SH3RF3: variants seen among roughly 807,000 people sequenced by gnomAD.
SH3RF3 encodes the protein SH3 domain containing ring finger 3.
A neutral mutation model predicts 66.3 loss-of-function variants in SH3RF3; 29 were observed. The ratio of observed to expected loss-of-function variants is 0.44; its 90% confidence interval spans 0.33 to 0.60. SH3RF3 has a LOEUF of 0.60. SH3RF3 is among the 20% of genes least tolerant of loss of function. SH3RF3 has a pLI of 0.04. For missense variants in SH3RF3, 1,194 were observed against 1,190.9 expected, an observed-to-expected ratio of 1.00 and a Z score of -0.04; for synonymous variants, 583 against 532.0, an observed-to-expected ratio of 1.10 and a Z score of -1.32.
chr2:109,192,339 T>G (rs1678387394), intron 1 of SH3RF3, among the ~76,000 whole-genome samples: 1 of 152,222 alleles, frequency 6.6e-6, no homozygotes, highest in Non-Finnish European at 1.5e-5. Flanking sequence ...GAAAATGAGT[T>G]TTTAAAAACC....
intron 8 of SH3RF3, among the ~76,000 whole-genome samples, chr2:109,463,388 G>C (rs1036960238): frequency 6.6e-6 from 1 of 152,136 alleles, no homozygotes; most frequent in Non-Finnish European, 1.5e-5. Flanking sequence ...CCTTGCTCTG[G>C]GACCCAGTCA....
At chr2:109,419,211 C>T (rs941327104) in intron 4 of SH3RF3, among the ~76,000 whole-genome samples, 1 of 152,060 alleles carries the variant, frequency 6.6e-6, no homozygotes, top group African/African-American at 2.4e-5. Context: ...TTTAAACAAA[C>T]ACAATAATAA....
intron 1 of SH3RF3, among the ~76,000 whole-genome samples, chr2:109,264,777 G>A (rs1208345645): frequency 6.6e-6 from 1 of 152,224 alleles, no homozygotes; most frequent in East Asian, 1.9e-4. Context: ...TCTTCTGAGG[G>A]CCGTGGAGTC....
chr2:109,139,974 T>C (rs1007769408), intron 1 of SH3RF3, among the ~76,000 whole-genome samples: 1 of 152,072 alleles, frequency 6.6e-6, no homozygotes, highest in Admixed American at 6.5e-5. Flanking sequence ...ATAGCTGCTT[T>C]AAAAAAACAG....
chr2:109,171,467 G>T (rs1345210752), intron 1 of SH3RF3, among the ~76,000 whole-genome samples: 1 of 152,208 alleles, frequency 6.6e-6, no homozygotes, highest in Non-Finnish European at 1.5e-5. Context: ...CCTGCTCCAC[G>T]CTTGCCCCCC....
intron 3 of SH3RF3, among the ~76,000 whole-genome samples, chr2:109,374,737 C>T (rs1683344068): frequency 6.6e-6 from 1 of 152,244 alleles, no homozygotes; most frequent in African/African-American, 2.4e-5. Context: ...TCCTCCACAG[C>T]CGCTCCAGCC....
At chr2:109,145,625 C>T (rs924066797) in intron 1 of SH3RF3, among the ~76,000 whole-genome samples, 1 of 152,198 alleles carries the variant, frequency 6.6e-6, no homozygotes, top group African/African-American at 2.4e-5. Context: ...TATCGCCATG[C>T]GTTTCTAGAC....
intron 4 of SH3RF3, among the ~76,000 whole-genome samples, chr2:109,409,337 G>A (rs1221930835): frequency 6.6e-6 from 1 of 152,200 alleles, no homozygotes; most frequent in Non-Finnish European, 1.5e-5. Context: ...TCTAGACTTT[G>A]CAGCCAGGTA....
chr2:109,272,234 C>G (rs1264314643), intron 1 of SH3RF3, among the ~76,000 whole-genome samples: 1 of 152,234 alleles, frequency 6.6e-6, no homozygotes, highest in Non-Finnish European at 1.5e-5. Flanking sequence ...TAGTAAGCTG[C>G]TTCTTGCTTG....
intron 5 of SH3RF3, among the ~76,000 whole-genome samples, chr2:109,430,817 A>G (rs1270017099): frequency 2.0e-5 from 3 of 152,134 alleles, no homozygotes; most frequent in Non-Finnish European, 4.4e-5. Flanking sequence ...AGTTGGTCCT[A>G]ATTTCACTGT....
At chr2:109,346,138 G>A (rs1035987124) in intron 1 of SH3RF3, among the ~76,000 whole-genome samples, 3 of 152,084 alleles carry the variant, frequency 2.0e-5, no homozygotes, top group Admixed American at 6.5e-5. Context: ...TATTGTGCTC[G>A]CACTACAAAG....
intron 8 of SH3RF3, among the ~76,000 whole-genome samples, chr2:109,465,953 C>T (rs1464158665): frequency 2.0e-5 from 3 of 152,150 alleles, no homozygotes; most frequent in African/African-American, 7.2e-5. Flanking sequence ...TCCCACCAGA[C>T]CCCACCTCTA....
chr2:109,163,275 TTC>T (rs1677532466), intron 1 of SH3RF3, among the ~76,000 whole-genome samples: 2 of 152,204 alleles, frequency 1.3e-5, no homozygotes, highest in African/African-American at 4.8e-5. Flanking sequence ...CATTTGTTTC[TTC>T]TCTAATGAAA....
At chr2:109,445,093 G>A (rs1426793977) in intron 7 of SH3RF3, among the ~76,000 whole-genome samples, 1 of 152,208 alleles carries the variant, frequency 6.6e-6, no homozygotes, top group Non-Finnish European at 1.5e-5. Flanking sequence ...ACAGTTGAAA[G>A]TGGAATTAGT....
intron 1 of SH3RF3, among the ~76,000 whole-genome samples, chr2:109,241,744 C>T (rs953826554): frequency 2.0e-5 from 3 of 151,744 alleles, no homozygotes; most frequent in Admixed American, 6.6e-5. Context: ...TCCCACCCTG[C>T]GTGTTTCCCT....
rs758094916 is a variant in SH3RF3 at position 109,225,927 on chromosome 2, G to A, written c.573+95814G>A. ...ACTATAGTCGCTTTCCACCATGCCA[G>A]CTAAAAGTTTGCTTTCAAAGAGTCC... On this transcript the variant is annotated intron_variant, in intron 1 of 9. Coordinates refer to ENST00000309415, the MANE Select transcript of SH3RF3 (RefSeq NM_001099289.3). Among the ~76,000 whole-genome samples the A allele has an allele frequency of 2.0e-5, 3 of 152,288 alleles. No homozygotes were observed. The East Asian group carries it at 5.8e-4, about 29-fold the overall frequency.
At chr2:109,429,374 G>C (rs745811444) in intron 5 of SH3RF3, among the ~76,000 whole-genome samples, 1 of 152,144 alleles carries the variant, frequency 6.6e-6, no homozygotes, top group Non-Finnish European at 1.5e-5. Flanking sequence ...TTACATTCCA[G>C]TTCCCCCAGC....
intron 3 of SH3RF3, among the ~76,000 whole-genome samples, chr2:109,387,295 A>G (rs115189954): frequency 0.016 from 2,492 of 152,262 alleles, 72 homozygotes; most frequent in African/African-American, 0.057. Context: ...TCTCAGCGCC[A>G]GGGCCGGGGG....
rs188777111 is a variant in SH3RF3 at position 109,170,565 on chromosome 2, C to T, written c.573+40452C>T. On this transcript the variant is annotated intron_variant, in intron 1 of 9. Transcript: ENST00000309415. ...TTCACTATGTTGGCCAGGATGGTCTCGATCTCCTGACCTCAACCTCGTGAT... is the reference window on the plus strand; with the variant it reads ...TTCACTATGTTGGCCAGGATGGTCTTGATCTCCTGACCTCAACCTCGTGAT... Among the ~76,000 whole-genome samples the T allele has an allele frequency of 8.0e-4, 121 of 152,158 alleles. 1 individual carries two copies. The highest frequency in any genetic ancestry group is 2.7e-3 in the African/African-American group (111 of 41,514).
Sources: gnomAD v4.1 joint callset for allele counts (sites outside exome capture counted in the v4.1 genomes callset) on GRCh38, gnomAD v4.1.1 for gene constraint, MANE v1.5 for transcripts, NCBI Gene and HGNC (gene_info 2026-07-23, HGNC 2026-07-21) for gene names.